The following FAM210A variants were observed in gnomAD, a reference collection of about 807,000 sequenced individuals.
The protein encoded by FAM210A is family with sequence similarity 210 member A.
A neutral mutation model predicts 25.3 loss-of-function variants in FAM210A; 13 were observed. The ratio of observed to expected loss-of-function variants is 0.51; its 90% CI spans 0.33 to 0.82. The LOEUF is 0.82. Ranked by LOEUF, FAM210A falls within the 40% of genes least tolerant of loss-of-function variation. FAM210A has a pLI of 0.02. For missense variants in FAM210A, 319 were observed against 323.2 expected (o/e 0.99, Z 0.10); for synonymous variants, 125 against 118.7 (o/e 1.05, Z -0.35).
At chr18:13,673,556 G>A (rs1033910922) in intron 2 of FAM210A, among the ~76,000 whole-genome samples, 2 of 149,612 alleles carry the variant, frequency 1.3e-5, no homozygotes, top group African/African-American at 2.5e-5. Context: ...CCTGAGCCCC[G>A]ACTTCTTTAT....
At chr18:13,721,738 T>C (rs186088603) in intron 1 of FAM210A, among the ~76,000 whole-genome samples, 1 of 152,164 alleles carries the variant, frequency 6.6e-6, no homozygotes, top group Non-Finnish European at 1.5e-5. Context: ...AGAACCTGGG[T>C]TAAACTTCCA....
chr18:13,720,814 T>C (rs1360184204), intron 1 of FAM210A, among the ~76,000 whole-genome samples: 1 of 152,022 alleles, frequency 6.6e-6, no homozygotes, highest in Non-Finnish European at 1.5e-5. Flanking sequence ...GTCAGTAGGG[T>C]TTGTTCCTTC....
chr18:13,687,798 C>T (rs1198510472), intron 1 of FAM210A: 1 of 152,228 alleles, frequency 6.6e-6, no homozygotes, highest in East Asian at 1.9e-4. Flanking sequence ...TGTTCTACAG[C>T]TTTTTTGAAA....
intron 1 of FAM210A, among the ~76,000 whole-genome samples, chr18:13,697,390 T>C (rs181195992): frequency 1.3e-5 from 2 of 152,254 alleles, no homozygotes; most frequent in South Asian, 2.1e-4. Context: ...TACAAACTTA[T>C]TACAATGCCT....
At chr18:13,691,954 T>C (rs2149061389) in intron 1 of FAM210A, among the ~76,000 whole-genome samples, 1 of 112,966 alleles carries the variant, frequency 8.9e-6, no homozygotes, top group African/African-American at 3.4e-5. Flanking sequence ...AAACACAGAC[T>C]GGCAAATTGG....
chr18:13,714,693 T>A (rs1457820130), intron 1 of FAM210A, among the ~76,000 whole-genome samples: 1 of 152,186 alleles, frequency 6.6e-6, no homozygotes, highest in African/African-American at 2.4e-5. Context: ...GGAACTTAAT[T>A]TAGATCCTGG....
rs140480424 is a variant in FAM210A, at chr18:13,705,792, C to A, written c.-29+20537G>T. 6.4e-4 allele frequency among the ~76,000 whole-genome samples: 97 copies of A among 152,260 alleles called. 1 individual carries two copies. Among genetic ancestry groups the A allele is most frequent in the African/African-American group, 2.2e-3 (93 of 41,558 alleles). ...CAGCCTGCTAAAATAATTTCATAAC[C>A]AATGTTTAGTTTGTCAAACCCACGT... On this transcript the variant is annotated intron_variant, in intron 1 of 3. Coordinates refer to ENST00000651643, the MANE Select transcript of FAM210A (RefSeq NM_152352.4).
chr18:13,704,948 T>C (rs185428324), intron 1 of FAM210A, among the ~76,000 whole-genome samples: 1 of 152,312 alleles, frequency 6.6e-6, no homozygotes, highest in East Asian at 1.9e-4. Context: ...AATCCTAGAA[T>C]ATGGTGTCTT....
At position 13,671,439 on chromosome 18, in the gene FAM210A, A is replaced by G. The variant is rs938683262; in HGVS notation, c.585+423T>C. Among the ~76,000 whole-genome samples, 24 of 152,222 alleles carry G rather than the reference A, an allele frequency of 1.6e-4. 1 individual carries two copies. The highest frequency in any genetic ancestry group is 5.3e-4 in the African/African-American group (22 of 41,460). ...CGGGAGCAATGTCAAACAGATGACT[A>G]CTACCATGGAAAATCACATAAGTCT... On this transcript the variant is annotated intron_variant, in intron 3 of 3. Transcript: ENST00000651643.
At chr18:13,718,701 T>A (rs983511500) in intron 1 of FAM210A, among the ~76,000 whole-genome samples, 1 of 152,228 alleles carries the variant, frequency 6.6e-6, no homozygotes, top group Non-Finnish European at 1.5e-5. Context: ...TTATTGTTAC[T>A]AGTTAACTAA....
intron 1 of FAM210A, among the ~76,000 whole-genome samples, chr18:13,696,551 A>G (rs1197589817): frequency 5.3e-5 from 8 of 152,344 alleles, no homozygotes; most frequent in East Asian, 1.9e-4. Context: ...AGACGGTGCC[A>G]TAAGATAAAA....
At chr18:13,693,039 GAC>G (rs1347331564) in intron 1 of FAM210A, among the ~76,000 whole-genome samples, 2 of 152,094 alleles carry the variant, frequency 1.3e-5, no homozygotes, top group Non-Finnish European at 2.9e-5. Flanking sequence ...GCATCAAATA[GAC>G]ACAATAAAAA....
intron 3 of FAM210A, among the ~76,000 whole-genome samples, chr18:13,670,518 T>C (rs1217140862): frequency 1.3e-5 from 2 of 152,176 alleles, no homozygotes. Context: ...TAGATATTCT[T>C]ATACAACAGA....
intron 1 of FAM210A, among the ~76,000 whole-genome samples, chr18:13,717,146 G>C (rs2043867525): frequency 6.6e-6 from 1 of 152,182 alleles, no homozygotes; most frequent in Non-Finnish European, 1.5e-5. Context: ...AGGCTCTCCA[G>C]AATGCAGGAA....
At chr18:13,670,668 A>G (rs1425973823) in intron 3 of FAM210A, among the ~76,000 whole-genome samples, 1 of 152,168 alleles carries the variant, frequency 6.6e-6, no homozygotes, top group East Asian at 1.9e-4. Context: ...TCCCTTCCAA[A>G]ATAAAGACCC....
intron 2 of FAM210A, among the ~76,000 whole-genome samples, chr18:13,680,903 C>G (rs1400442008): frequency 6.6e-6 from 1 of 152,114 alleles, no homozygotes; most frequent in Non-Finnish European, 1.5e-5. Context: ...AAGAGAGATG[C>G]ACTTTAAATT....
At chr18:13,717,021 C>G (rs2043866509) in intron 1 of FAM210A, among the ~76,000 whole-genome samples, 1 of 152,160 alleles carries the variant, frequency 6.6e-6, no homozygotes, top group African/African-American at 2.4e-5. Context: ...CTTCTTGTTA[C>G]TATGTCCCTC....
Position 13,682,541 on chromosome 18 carries a change from C to A in FAM210A, c.-28-436G>T, listed in dbSNP as rs367694577. Reference sequence around the variant, plus strand: ...TGAGATCGGGCCACTGCCCTCCAACCTGGGTGACACAGCAAGACTCCAGCT... The same window carrying A: ...TGAGATCGGGCCACTGCCCTCCAACATGGGTGACACAGCAAGACTCCAGCT... On this transcript the variant is annotated intron_variant, in intron 1 of 3. Coordinates refer to ENST00000651643, the MANE Select transcript of FAM210A (RefSeq NM_152352.4). Among the ~76,000 whole-genome samples, 34 of 152,272 alleles carry A rather than the reference C, an allele frequency of 2.2e-4. No individual in the cohort carries two copies. The South Asian group carries it at 6.4e-3, about 29-fold the overall frequency.
intron 1 of FAM210A, among the ~76,000 whole-genome samples, chr18:13,710,724 G>A (rs775051592): frequency 4.6e-5 from 7 of 152,076 alleles, no homozygotes; most frequent in Non-Finnish European, 7.4e-5. Context: ...CACAAAGACC[G>A]TTTTCCACAC....
Sources: allele counts gnomAD v4.1 joint callset (sites outside exome capture counted in the v4.1 genomes callset), GRCh38; gene constraint gnomAD v4.1.1; transcripts MANE v1.5; gene names NCBI Gene and HGNC (gene_info 2026-07-23, HGNC 2026-07-21).